Variants in GDPD5 observed in about 807,000 individuals in gnomAD.
GDPD5 encodes glycerophosphodiester phosphodiesterase 2.
In GDPD5, 48 loss-of-function variants were observed where a neutral mutation model predicts 75.1. The observed-to-expected ratio is 0.64, with a 90% CI of 0.51 to 0.81. The LOEUF (loss-of-function observed/expected upper bound fraction) is 0.81, where lower values mean the gene tolerates loss of function less well. Ranked by LOEUF, GDPD5 falls within the 40% of genes least tolerant of loss-of-function variation. The pLI is 0.00. For missense variants in GDPD5, 706 were observed against 822.6 expected, an observed-to-expected ratio of 0.86 and a Z score of 1.73; for synonymous variants, 336 against 339.0, an observed-to-expected ratio of 0.99 and a Z score of 0.10.
chr11:75,449,773 C>A, intron 7 of GDPD5, 112 bp downstream of exon 7: 1 of 1,294,490 alleles, frequency 7.7e-7, no homozygotes, highest in Non-Finnish European at 1.1e-6. Context: ...TAGTTCTGAC[C>A]TGCTCTGTGA....
rs749454125 is a variant in GDPD5 at position 75,462,774 on chromosome 11, GC to G, written c.221+11del. ...TGGGCCCCTTCCTCCCCCACCCACT[GC>G]CCCTACTCACCAGTTGAATTCATCA... On this transcript the variant is annotated intron_variant, in intron 4 of 16. Transcript: ENST00000336898. 6.3e-7 allele frequency: 1 copy of G among 1,599,942 alleles called. No individual in the cohort carries two copies. The highest frequency in any genetic ancestry group is 1.1e-5 in the South Asian group (1 of 90,604).
At chr11:75,510,538 C>A (rs1447402793) in intron 1 of GDPD5, among the ~76,000 whole-genome samples, 2 of 152,220 alleles carry the variant, frequency 1.3e-5, no homozygotes, top group Non-Finnish European at 2.9e-5. Context: ...CCTCTGCTCC[C>A]ACATCCACAG....
intron 1 of GDPD5, among the ~76,000 whole-genome samples, chr11:75,509,261 T>A: frequency 6.6e-6 from 1 of 152,138 alleles, no homozygotes; most frequent in Non-Finnish European, 1.5e-5. Context: ...GAAGGGGCGG[T>A]ATCTGGTCCC....
intron 2 of GDPD5, among the ~76,000 whole-genome samples, chr11:75,489,500 C>T (rs982255763): frequency 1.3e-5 from 2 of 152,212 alleles, no homozygotes; most frequent in African/African-American, 2.4e-5. Context: ...GCTGGCTGGC[C>T]CACCTTGAAG....
intron 3 of GDPD5, among the ~76,000 whole-genome samples, chr11:75,464,584 C>T (rs1226690294): frequency 1.3e-5 from 2 of 152,226 alleles, no homozygotes; most frequent in Admixed American, 6.5e-5. Context: ...GCCACCACTC[C>T]TTGTCATGTG....
At chr11:75,467,001 G>T (rs1388747385) in intron 3 of GDPD5, among the ~76,000 whole-genome samples, 1 of 152,022 alleles carries the variant, frequency 6.6e-6, no homozygotes, top group Admixed American at 6.6e-5. Context: ...TAGTTCCCTG[G>T]ATTTCTCTCC....
At chr11:75,507,845 C>A (rs1950434504) in intron 1 of GDPD5, among the ~76,000 whole-genome samples, 2 of 152,324 alleles carry the variant, frequency 1.3e-5, no homozygotes, top group South Asian at 4.1e-4. Context: ...ACGCATTGAC[C>A]ATCACAGAGC....
At chr11:75,496,715 G>T (rs763442439) in intron 1 of GDPD5, among the ~76,000 whole-genome samples, 1 of 151,594 alleles carries the variant, frequency 6.6e-6, no homozygotes, top group Non-Finnish European at 1.5e-5. Context: ...TTCTATGTAC[G>T]CTATCTGACG....
At chr11:75,441,931 A>T in intron 12 of GDPD5, 128 bp from the exon 13 acceptor site, 1 of 947,088 alleles carries the variant, frequency 1.1e-6, no homozygotes, top group South Asian at 1.7e-5. Flanking sequence ...AGATGAAGTC[A>T]TTAGCAGGGC....
At position 75,499,400 on chromosome 11, in the gene GDPD5, T is replaced by C. The variant is rs1317125387; in HGVS notation, c.-144-9080A>G. ...CTTCTTTCTTCTTCTTTTCCTTTTT[T>C]TTTTTTTTTTTTTTTTTAACTGGAA... On this transcript the variant is annotated intron_variant, in intron 1 of 16. Coordinates refer to ENST00000336898, the MANE Select transcript of GDPD5 (RefSeq NM_030792.8). Among the ~76,000 whole-genome samples, 578 of 143,150 alleles carry C rather than the reference T, an allele frequency of 4.0e-3. 5 individuals carry two copies. Among genetic ancestry groups the C allele is most frequent in the South Asian group, 9.8e-3 (45 of 4,578 alleles). 93.9% of individuals were successfully genotyped at this position (143,150 alleles called of 152,430 possible). A position where few individuals can be genotyped will look rare whatever the true frequency, so the allele number is the denominator to read the frequency against.
intron 3 of GDPD5, among the ~76,000 whole-genome samples, chr11:75,472,389 T>C (rs1005532483): frequency 6.6e-6 from 1 of 152,154 alleles, no homozygotes; most frequent in African/African-American, 2.4e-5. Flanking sequence ...TCCAGCTCCA[T>C]ATCCTGGACA....
At position 75,443,388 on chromosome 11, in the gene GDPD5, C is replaced by A. The variant is rs1295195686; in HGVS notation, c.798-102G>T. 2.2e-6 allele frequency: 3 copies of A among 1,383,940 alleles called. No individual in the cohort carries two copies. The East Asian group carries it at 7.5e-5, about 35-fold the overall frequency. The allele number at this position is 1,383,940 out of a possible 1,614,324, so 85.7% of individuals were successfully genotyped here. On this transcript the variant is annotated intron_variant, in intron 10 of 16. Transcript: ENST00000336898. The stretch of plus-strand genomic sequence containing the variant: ...CAGTCCTCCCCACCCAGCACAGGAT[C>A]CCGGCTGGCTCTGCCCCTCTCTGGG...
intron 1 of GDPD5, among the ~76,000 whole-genome samples, chr11:75,501,497 G>A (rs981955529): frequency 6.6e-6 from 1 of 152,242 alleles, no homozygotes; most frequent in Non-Finnish European, 1.5e-5. Flanking sequence ...CAAACATCCT[G>A]GAAACAGGGA....
Position 75,435,228 on chromosome 11 carries a change from G to T in GDPD5, c.*279C>A. On this transcript the variant is annotated 3_prime_UTR_variant, in exon 17 of 17. Transcript: ENST00000336898. Reference sequence around the variant, plus strand: ...AAAGCTTCCAGGTCGGGATACAGGAGAGGGCCTCAGAAGAGGGGGACCAAG... The same window carrying T: ...AAAGCTTCCAGGTCGGGATACAGGATAGGGCCTCAGAAGAGGGGGACCAAG... The T allele has an allele frequency of 2.8e-6, 1 of 356,574 alleles. No individual in the cohort carries two copies. The highest frequency in any genetic ancestry group is 4.1e-5 in the Admixed American group (1 of 24,182). The allele number at this position is 356,574 out of a possible 1,614,324, so 22.1% of individuals were successfully genotyped here. A position where few individuals can be genotyped will look rare whatever the true frequency, so the allele number is the denominator to read the frequency against.
In GDPD5 at chr11:75,477,764, C is replaced by A; in HGVS notation, c.-29G>T. 1 of 1,476,360 alleles carries A rather than the reference C, an allele frequency of 6.8e-7. No homozygotes were observed. The highest frequency in any genetic ancestry group is 9.2e-7 in the Non-Finnish European group (1 of 1,087,510). The allele number at this position is 1,476,360 out of a possible 1,614,324, so 91.5% of individuals were successfully genotyped here. ...CGTGCCCACGGCCCTGGCGCCTGGCCCTCAGGCGCCCATGGAGGCCCCCAG... is the reference window on the plus strand; with the variant it reads ...CGTGCCCACGGCCCTGGCGCCTGGCACTCAGGCGCCCATGGAGGCCCCCAG... On this transcript the variant is annotated 5_prime_UTR_variant, in exon 3 of 17. Coordinates refer to ENST00000336898, the MANE Select transcript of GDPD5 (RefSeq NM_030792.8).
At chr11:75,440,152 G>A (rs79918613) in intron 14 of GDPD5, among the ~76,000 whole-genome samples, 191 bp from the exon 15 acceptor site, 42 of 152,296 alleles carry the variant, frequency 2.8e-4, no homozygotes, top group East Asian at 1.5e-3. Context: ...CCTGGGGGCC[G>A]GGGCGTGTGT....
intron 1 of GDPD5, among the ~76,000 whole-genome samples, chr11:75,505,988 C>T (rs1340063321): frequency 2.0e-5 from 3 of 152,136 alleles, no homozygotes; most frequent in African/African-American, 4.8e-5. Flanking sequence ...AGGAATGGGG[C>T]GGGGCAGTCC....
chr11:75,508,708 A>G (rs2135477110), intron 1 of GDPD5, among the ~76,000 whole-genome samples: 1 of 152,236 alleles, frequency 6.6e-6, no homozygotes, highest in East Asian at 1.9e-4. Flanking sequence ...CCCCATGCCA[A>G]TCTAAGCGGA....
intron 6 of GDPD5, among the ~76,000 whole-genome samples, chr11:75,454,476 C>T (rs781750863): frequency 3.3e-5 from 5 of 152,250 alleles, no homozygotes; most frequent in Admixed American, 6.5e-5. Context: ...ACACATTCTT[C>T]ACCCAGAAAT....
Sources: allele counts gnomAD v4.1 joint callset (sites outside exome capture counted in the v4.1 genomes callset), GRCh38; gene constraint gnomAD v4.1.1; transcripts MANE v1.5; gene names NCBI Gene and HGNC (gene_info 2026-07-23, HGNC 2026-07-21).